The following MEPCE variants were observed in gnomAD, a reference collection of about 807,000 sequenced individuals.
MEPCE encodes methylphosphate capping enzyme.
Under a neutral mutation model 52.3 loss-of-function variants are expected in MEPCE, and 9 were observed. The observed-to-expected ratio is 0.17, with a 90% CI of 0.10 to 0.30. MEPCE has a LOEUF of 0.30. MEPCE is among the 10% of genes least tolerant of loss of function. The pLI is 1.00. For missense variants in MEPCE, 826 were observed against 933.0 expected, an observed-to-expected ratio of 0.89 and a Z score of 1.49; for synonymous variants, 477 against 401.6, an observed-to-expected ratio of 1.19 and a Z score of -2.25.
Position 100,429,991 on chromosome 7 carries a change from C to A in MEPCE, c.-28C>A. ...TAGGCCCCCTGATCCCCCTCGTTAC[C>A]CCGACTGGCACGGAATAAGGGGAGG... On this transcript the variant is annotated 5_prime_UTR_variant, in exon 1 of 4. Coordinates refer to ENST00000310512, the MANE Select transcript of MEPCE (RefSeq NM_019606.6). 8.0e-7 allele frequency: 1 copy of A among 1,243,528 alleles called. No homozygotes were observed. Among genetic ancestry groups the A allele is most frequent in the South Asian group, 3.6e-5 (1 of 28,110 alleles). 77.0% of individuals were successfully genotyped at this position (1,243,528 alleles called of 1,614,324 possible). A position where few individuals can be genotyped will look rare whatever the true frequency, so the allele number is the denominator to read the frequency against.
At position 100,431,203 on chromosome 7, in the gene MEPCE, C is replaced by T. The variant is rs1798687782; in HGVS notation, c.1185C>T (p.His395=). Residue 395 remains histidine (H), a synonymous_variant, in exon 1 of 4, where the codon CAC becomes CAT. Transcript: ENST00000310512. The stretch of plus-strand genomic sequence containing the variant: ...GCCGAGGGAGTTGGGGAGGCCGCCA[C>T]CACCACCACCACCCACTGCCTGCAG... ...EKGRGSWGGR[H]HHHHPLPAAG... is the part of the protein sequence containing the mutation. 2 of 1,613,654 alleles carry T rather than the reference C, an allele frequency of 1.2e-6. No individual in the cohort carries two copies. Among genetic ancestry groups the T allele is most frequent in the Non-Finnish European group, 8.5e-7 (1 of 1,179,968 alleles).
rs555404661 is a variant in MEPCE, at chr7:100,430,965, A to G, written c.947A>G (p.Tyr316Cys). The G allele has an allele frequency of 2.1e-5, 34 of 1,610,450 alleles. No individual in the cohort carries two copies. The highest frequency in any genetic ancestry group is 2.7e-5 in the African/African-American group (2 of 74,962). ...RGQNRDAPQP[Y>C]ELNTAINCRD... ...CAGAACCGGGATGCCCCCCAACCCT[A>G]TGAACTCAACACAGCCATCAACTGC... The change falls in exon 1 of 4, where the codon TAT becomes TGT. Residue 316 changes from tyrosine (Y) to cysteine (C), a missense_variant. Coordinates refer to ENST00000310512, the MANE Select transcript of MEPCE (RefSeq NM_019606.6).
In MEPCE at chr7:100,430,771, T is replaced by C; in HGVS notation, c.753T>C (p.Val251=). ...CTTGCACTGATGAGGGCCATGTAGT[T>C]CTTGCTTCGCCACTCAAGACTGGTC... is the stretch of plus-strand genomic sequence containing the variant. The part of the protein sequence containing the change: ...LNTCTDEGHV[V]LASPLKTGRK... Residue 251 remains valine, a synonymous_variant, in exon 1 of 4, where the codon GTT becomes GTC. Transcript: ENST00000310512. The C allele has an allele frequency of 1.2e-6, 2 of 1,613,842 alleles. No homozygotes were observed. Among genetic ancestry groups the C allele is most frequent in the Non-Finnish European group, 1.7e-6 (2 of 1,180,000 alleles).
chr7:100,428,837 G>A (rs924808291), upstream of MEPCE: 2 of 152,400 alleles, frequency 1.3e-5, no homozygotes, highest in African/African-American at 4.8e-5. Flanking sequence ...CGTCGGGAGT[G>A]GGCGGATGCG....
rs766567339 is a variant in MEPCE at position 100,430,889 on chromosome 7, A to C, written c.871A>C (p.Thr291Pro). The C allele has an allele frequency of 1.2e-6, 2 of 1,608,350 alleles. No homozygotes were observed. The highest frequency in any genetic ancestry group is 1.1e-5 in the South Asian group (1 of 90,634). ...SHPVPPTAPL[T>P]PLLHGEGASQ... is the part of the protein sequence containing the mutation. Reference sequence around the variant, plus strand: ...CCCCGTGCCGCCCACAGCCCCTCTCACCCCCTTACTCCACGGGGAGGGCGC... The same window carrying C: ...CCCCGTGCCGCCCACAGCCCCTCTCCCCCCCTTACTCCACGGGGAGGGCGC... The change falls in exon 1 of 4, where the codon ACC becomes CCC. Residue 291 changes from threonine (T) to proline (P), a missense_variant. Physicochemically the swap from Thr to Pro is conservative, Grantham distance 38. Coordinates refer to ENST00000310512, the MANE Select transcript of MEPCE (RefSeq NM_019606.6).
intron 1 of MEPCE, among the ~76,000 whole-genome samples, chr7:100,432,124 C>A (rs967736750): frequency 6.6e-6 from 1 of 152,190 alleles, no homozygotes; most frequent in Non-Finnish European, 1.5e-5. Flanking sequence ...CTAATACTGG[C>A]GTTTCTGCCC....
intron 1 of MEPCE, among the ~76,000 whole-genome samples, chr7:100,432,234 C>A (rs1798739104): frequency 6.6e-6 from 1 of 152,216 alleles, no homozygotes; most frequent in South Asian, 2.1e-4. Flanking sequence ...ATCCTCTCCA[C>A]ATTGACCCTA....
chr7:100,433,195 A>C, intron 2 of MEPCE, 58 bp downstream of exon 2: 1 of 1,613,200 alleles, frequency 6.2e-7, no homozygotes. Context: ...AAAGGCCCCG[A>C]GGTGGGCATC....
rs1429909851 is a variant in MEPCE at position 100,430,534 on chromosome 7, G to A, written c.516G>A (p.Arg172=). 6.3e-7 allele frequency: 1 copy of A among 1,585,702 alleles called. No homozygotes were observed. The change falls in exon 1 of 4, where the codon CGG becomes CGA. Residue 172 remains arginine, a synonymous_variant. Coordinates refer to ENST00000310512, the MANE Select transcript of MEPCE (RefSeq NM_019606.6). ...FKHPAFKRRR[R]VNSDCDSVLP... ...ATCCGGCCTTCAAGAGGCGCAGGCG[G>A]GTGAATTCGGACTGTGACTCTGTGT...
Position 100,433,650 on chromosome 7 carries a change from T to G in MEPCE, c.*96T>G. 1 of 1,264,736 alleles carries G rather than the reference T, an allele frequency of 7.9e-7. No homozygotes were observed. The highest frequency in any genetic ancestry group is 1.3e-5 in the South Asian group (1 of 78,094). 78.3% of individuals were successfully genotyped at this position (1,264,736 alleles called of 1,614,324 possible). On this transcript the variant is annotated 3_prime_UTR_variant, in exon 4 of 4. Transcript: ENST00000310512. Reference sequence around the variant, plus strand: ...TGTCCCAAGGTCTTTCCTTTCTGACTCCAAAAATAGTTTCCTTTCTTGGAT... The same window carrying G: ...TGTCCCAAGGTCTTTCCTTTCTGACGCCAAAAATAGTTTCCTTTCTTGGAT...
intron 1 of MEPCE, among the ~76,000 whole-genome samples, chr7:100,432,687 G>A (rs1244004618): frequency 6.6e-6 from 1 of 152,176 alleles, no homozygotes; most frequent in Non-Finnish European, 1.5e-5. Flanking sequence ...AATTACTCAG[G>A]CTCCGTCGAC....
rs192465137 is a variant in MEPCE at position 100,433,645 on chromosome 7, C to A, written c.*91C>A. On this transcript the variant is annotated 3_prime_UTR_variant, in exon 4 of 4. Coordinates refer to ENST00000310512, the MANE Select transcript of MEPCE (RefSeq NM_019606.6). ...GAAAGTGTCCCAAGGTCTTTCCTTT[C>A]TGACTCCAAAAATAGTTTCCTTTCT... The A allele has an allele frequency of 1.5e-6, 2 of 1,296,368 alleles. No individual in the cohort carries two copies. Among genetic ancestry groups the A allele is most frequent in the Non-Finnish European group, 2.2e-6 (2 of 917,830 alleles). 80.3% of individuals were successfully genotyped at this position (1,296,368 alleles called of 1,614,324 possible). A position where few individuals can be genotyped will look rare whatever the true frequency, so the allele number is the denominator to read the frequency against.
chr7:100,430,936 G>A lies in MEPCE; in HGVS notation c.918G>A (p.Arg306=), dbSNP rs745478406. The A allele has an allele frequency of 1.2e-6, 2 of 1,608,546 alleles. No homozygotes were observed. The highest frequency in any genetic ancestry group is 2.2e-5 in the East Asian group (1 of 44,792). Reference sequence around the variant, plus strand: ...GCGCCTCACAGCAGCCGCGGCACAGGGGCCAGAACCGGGATGCCCCCCAAC... The same window carrying A: ...GCGCCTCACAGCAGCCGCGGCACAGAGGCCAGAACCGGGATGCCCCCCAAC... ...GEGASQQPRH[R]GQNRDAPQPY... Residue 306 remains arginine, a synonymous_variant, in exon 1 of 4, where the codon AGG becomes AGA. Transcript: ENST00000310512.
rs1451316185 is a variant in MEPCE, at chr7:100,433,277, G to A, written c.1905G>A (p.Lys635=). 6.2e-7 allele frequency: 1 copy of A among 1,614,184 alleles called. No homozygotes were observed. Among genetic ancestry groups the A allele is most frequent in the African/African-American group, 1.3e-5 (1 of 75,066 alleles). Residue 635 remains lysine (K), a synonymous_variant, in exon 3 of 4, where the codon AAG becomes AAA. Transcript: ENST00000310512. Reference sequence around the variant, plus strand: ...TCTCTCCTTAGGAAACGATCTACAAGAACTACTACCGAATCCAATTGAAGC... The same window carrying A: ...TCTCTCCTTAGGAAACGATCTACAAAAACTACTACCGAATCCAATTGAAGC... ...KRKTLTETIY[K]NYYRIQLKPE...
upstream of MEPCE, chr7:100,429,822 C>G (rs929300363): frequency 2.4e-6 from 1 of 424,050 alleles, no homozygotes; most frequent in Non-Finnish European, 4.0e-6. Context: ...TAGTTCGGGT[C>G]TCGCGGGCCT....
upstream of MEPCE, chr7:100,429,527 C>G (rs1798432292): frequency 6.5e-6 from 1 of 152,854 alleles, no homozygotes; most frequent in Middle Eastern, 3.3e-3. Flanking sequence ...GGTGGGATCG[C>G]GCGGCAGAGA....
chr7:100,433,481 G>T, intron 3 of MEPCE, 21 bp from the exon 4 acceptor site: 2 of 1,614,054 alleles, frequency 1.2e-6, no homozygotes, highest in African/African-American at 1.3e-5. Flanking sequence ...AACCCCTTCT[G>T]ATCACTCTCT....
In MEPCE at chr7:100,430,973, A is replaced by C. The variant is rs752703167; in HGVS notation, c.955A>C (p.Asn319His). Residue 319 changes from asparagine to histidine, a missense_variant, in exon 1 of 4, where the codon AAC (asparagine) becomes CAC (histidine). Transcript: ENST00000310512. ...NRDAPQPYEL[N>H]TAINCRDEVV... ...GGATGCCCCCCAACCCTATGAACTC[A>C]ACACAGCCATCAACTGCAGGGATGA... 2 of 1,611,748 alleles carry C rather than the reference A, an allele frequency of 1.2e-6. No individual in the cohort carries two copies. Among genetic ancestry groups the C allele is most frequent in the South Asian group, 2.2e-5 (2 of 90,866 alleles).
chr7:100,430,618 C>T lies in MEPCE; in HGVS notation c.600C>T (p.Leu200=), dbSNP rs1056116897. 1 of 1,613,330 alleles carries T rather than the reference C, an allele frequency of 6.2e-7. No homozygotes were observed. The highest frequency in any genetic ancestry group is 8.5e-7 in the Non-Finnish European group (1 of 1,179,896). Residue 200 remains leucine, a synonymous_variant, in exon 1 of 4, where the codon CTC becomes CTT. Transcript: ENST00000310512. ...NIFDPLNLNS[L]LDEEVSRTLN... ...TTGATCCCCTGAACCTGAATAGCCTCCTGGATGAGGAAGTGAGCCGCACTC... is the reference window on the plus strand; with the variant it reads ...TTGATCCCCTGAACCTGAATAGCCTTCTGGATGAGGAAGTGAGCCGCACTC...
Sources: gnomAD v4.1 joint callset for allele counts (sites outside exome capture counted in the v4.1 genomes callset) on GRCh38, gnomAD v4.1.1 for gene constraint, MANE v1.5 for transcripts, NCBI Gene and HGNC (gene_info 2026-07-23, HGNC 2026-07-21) for gene names.